The following CCDC30 variants were observed in gnomAD, a reference collection of about 807,000 sequenced individuals.
The protein encoded by CCDC30 is coiled-coil domain-containing protein 30.
CCDC30 carries 70 observed loss-of-function variants against 100.2 expected under a neutral mutation model. That is an observed-to-expected ratio of 0.70 (90% confidence interval 0.58 to 0.85). The LOEUF is 0.85. Ranked by LOEUF, CCDC30 falls within the 40% of genes least tolerant of loss-of-function variation. CCDC30 has a pLI of 0.00. For missense variants in CCDC30, 652 were observed against 771.2 expected (o/e 0.85, Z 1.83); for synonymous variants, 233 against 269.5 (o/e 0.86, Z 1.33).
Position 42,536,456 on chromosome 1 carries a change from A to G in CCDC30, c.457-29840A>G, listed in dbSNP as rs960572028. On this transcript the variant is annotated intron_variant, in intron 6 of 16. Coordinates refer to ENST00000668663, the Ensembl canonical transcript of CCDC30. ...ACTGCTATTATATATAAAATTAATT[A>G]TGTAAAATGCTTTTTACAGATCCTG... The G allele has an allele frequency of 4.1e-6, 6 of 1,464,084 alleles. No homozygotes were observed. The African/African-American group carries it at 4.3e-5, about 10-fold the overall frequency. 90.7% of individuals were successfully genotyped at this position (1,464,084 alleles called of 1,614,324 possible). A position where few individuals can be genotyped will look rare whatever the true frequency, so the allele number is the denominator to read the frequency against.
upstream of CCDC30, chr1:42,459,773 G>T: frequency 1.2e-6 from 2 of 1,614,186 alleles, no homozygotes; most frequent in Non-Finnish European, 1.7e-6. Context: ...ATATCCTTGA[G>T]TCACGACAGT....
In CCDC30 at chr1:42,504,544, C is replaced by G. The variant is rs145503208; in HGVS notation, c.456+5628C>G. 6.1e-3 allele frequency among the ~76,000 whole-genome samples: 923 copies of G among 152,312 alleles called. 6 individuals are homozygous for G. Among genetic ancestry groups the G allele is most frequent in the African/African-American group, 0.021 (861 of 41,556 alleles). ...TGGAGTTTGATTGCTATCTGCCATT[C>G]CAATGGGTTGTAATACTCATTTGCC... On this transcript the variant is annotated intron_variant, in intron 6 of 16. Transcript: ENST00000668663.
chr1:42,621,728 G>A (rs1646838351), intron 11 of CCDC30, among the ~76,000 whole-genome samples: 1 of 151,976 alleles, frequency 6.6e-6, no homozygotes, highest in African/African-American at 2.4e-5. Context: ...AGCCAGGATG[G>A]TCGCGATCTC....
At chr1:42,628,288 A>G (rs1238763823) in intron 11 of CCDC30, among the ~76,000 whole-genome samples, 1 of 152,052 alleles carries the variant, frequency 6.6e-6, no homozygotes, top group Non-Finnish European at 1.5e-5. Flanking sequence ...CTGTACCCCC[A>G]TTGTATCTAG....
At chr1:42,597,968 A>C (rs1244893045) in intron 10 of CCDC30, among the ~76,000 whole-genome samples, 1 of 147,260 alleles carries the variant, frequency 6.8e-6, no homozygotes, top group African/African-American at 2.5e-5. Context: ...GACCAGCCTG[A>C]GCAACATAGT....
At chr1:42,489,580 C>A (rs1644105039) in intron 3 of CCDC30, among the ~76,000 whole-genome samples, 1 of 152,112 alleles carries the variant, frequency 6.6e-6, no homozygotes, top group Non-Finnish European at 1.5e-5. Flanking sequence ...TATAGGCGAT[C>A]CACTAGCAAT....
chr1:42,647,124 T>C (rs1647950846), intron 15 of CCDC30, among the ~76,000 whole-genome samples: 1 of 151,178 alleles, frequency 6.6e-6, no homozygotes, highest in African/African-American at 2.4e-5. Flanking sequence ...ATAAAATCAA[T>C]GCAAAAAAAT....
intron 6 of CCDC30, among the ~76,000 whole-genome samples, chr1:42,547,267 C>T (rs1645163129): frequency 6.6e-6 from 1 of 151,476 alleles, no homozygotes; most frequent in Non-Finnish European, 1.5e-5. Flanking sequence ...AGCACTGGAA[C>T]AGTGTCTTAC....
chr1:42,558,080 AG>A (rs1382181619), intron 6 of CCDC30: 1 of 263,748 alleles, frequency 3.8e-6, no homozygotes, highest in African/African-American at 2.3e-5. Context: ...CTTGTCTAGT[AG>A]CTAGCTGCTT....
chr1:42,615,442 C>T (rs949359658), intron 11 of CCDC30, among the ~76,000 whole-genome samples: 4 of 151,822 alleles, frequency 2.6e-5, no homozygotes, highest in African/African-American at 7.3e-5. Context: ...GGATTACAGG[C>T]GCACGCCACT....
chr1:42,628,367 A>C (rs1031701476), intron 11 of CCDC30, among the ~76,000 whole-genome samples: 1 of 152,138 alleles, frequency 6.6e-6, no homozygotes, highest in Non-Finnish European at 1.5e-5. Flanking sequence ...TTCCGATGAC[A>C]CTTTGAACTG....
intron 4 of CCDC30, among the ~76,000 whole-genome samples, chr1:42,494,272 T>TA (rs1644194065): frequency 6.6e-6 from 1 of 152,198 alleles, no homozygotes; most frequent in Admixed American, 6.5e-5. Flanking sequence ...CCCTATTTAA[T>TA]AAATGGTGCT....
chr1:42,623,460 C>T (rs754926899), intron 11 of CCDC30, among the ~76,000 whole-genome samples: 37 of 152,142 alleles, frequency 2.4e-4, no homozygotes, highest in Admixed American at 7.2e-4. Flanking sequence ...TATGGACATC[C>T]AGTTTTCCCA....
At position 42,642,094 on chromosome 1, in the gene CCDC30, T is replaced by C. The variant is rs372534965; in HGVS notation, c.1420-379T>C. 1.8e-3 allele frequency among the ~76,000 whole-genome samples: 270 copies of C among 151,950 alleles called. 3 individuals are homozygous for C. The South Asian group carries it at 0.035, about 20-fold the overall frequency. On this transcript the variant is annotated intron_variant, in intron 12 of 16. Coordinates refer to ENST00000668663, the Ensembl canonical transcript of CCDC30. ...CAAAAAACTTAGCCGGGCGTAGTGG[T>C]GGGCACCTGTAGTCCCAGCTACTTG...
At chr1:42,628,102 A>C (rs1646966369) in intron 11 of CCDC30, among the ~76,000 whole-genome samples, 1 of 152,166 alleles carries the variant, frequency 6.6e-6, no homozygotes, top group African/African-American at 2.4e-5. Context: ...ACTGCACAAG[A>C]CCATGGAAAC....
At chr1:42,618,291 C>T (rs1646764839) in intron 11 of CCDC30, among the ~76,000 whole-genome samples, 1 of 131,998 alleles carries the variant, frequency 7.6e-6, no homozygotes, top group Admixed American at 9.0e-5. Flanking sequence ...GGCTGGAGTG[C>T]AGTGGTGCCA....
chr1:42,536,436 TATTATATATAAA>T (rs1644905819), intron 6 of CCDC30, 28 bp from the exon 7 acceptor site: 1 of 1,254,036 alleles, frequency 8.0e-7, no homozygotes, highest in Non-Finnish European at 1.1e-6. Flanking sequence ...GAAACACTGC[TATTATATATAAA>T]ATTAATTATG....
chr1:42,582,380 C>T (rs976323866), intron 9 of CCDC30, among the ~76,000 whole-genome samples: 1 of 152,086 alleles, frequency 6.6e-6, no homozygotes, highest in African/African-American at 2.4e-5. Context: ...CATTATTAAC[C>T]AAAGAGAAAT....
intron 6 of CCDC30, among the ~76,000 whole-genome samples, chr1:42,524,372 C>T (rs6600409): frequency 2.5e-4 from 38 of 152,012 alleles, no homozygotes; most frequent in African/African-American, 7.5e-4. Flanking sequence ...CCTCTCTATA[C>T]GCAGTTGCTT....
Sources: gnomAD v4.1 joint callset for allele counts (sites outside exome capture counted in the v4.1 genomes callset) on GRCh38, gnomAD v4.1.1 for gene constraint, MANE v1.5 for transcripts, NCBI Gene and HGNC (gene_info 2026-07-23, HGNC 2026-07-21) for gene names.